PKP2: variants seen among roughly 807,000 people sequenced by gnomAD.
The protein encoded by PKP2 is plakophilin-2.
PKP2 carries 73 observed loss-of-function variants against 83.4 expected under a neutral mutation model. The observed-to-expected ratio is 0.88, with a 90% CI of 0.72 to 1.06. The LOEUF is 1.06. Ranked by LOEUF, PKP2 falls within the 50% of genes least tolerant of loss-of-function variation. PKP2 has a pLI of 0.00. For missense variants in PKP2, 966 were observed against 1,065.4 expected, an observed-to-expected ratio of 0.91 and a Z score of 1.30; for synonymous variants, 409 against 430.4, an observed-to-expected ratio of 0.95 and a Z score of 0.62.
intron 7 of PKP2, among the ~76,000 whole-genome samples, chr12:32,823,749 C>A (rs527922434): frequency 6.6e-6 from 1 of 151,878 alleles, no homozygotes; most frequent in African/African-American, 2.4e-5. Flanking sequence ...TACAGGTGCC[C>A]GCCACCACGC....
intron 4 of PKP2, among the ~76,000 whole-genome samples, chr12:32,860,301 A>AG (rs1565593368): frequency 6.6e-6 from 1 of 152,220 alleles, no homozygotes; most frequent in Non-Finnish European, 1.5e-5. Flanking sequence ...GCTAGTATTC[A>AG]GTAGAGTATT....
At chr12:32,841,293 G>A in intron 5 of PKP2, 88 bp from the exon 6 acceptor site, 2 of 1,084,670 alleles carry the variant, frequency 1.8e-6, no homozygotes, top group Non-Finnish European at 2.8e-6. Context: ...TCAACTCCAG[G>A]GCTATGACTA....
intron 5 of PKP2, among the ~76,000 whole-genome samples, chr12:32,845,127 G>T (rs1314671310): frequency 1.3e-5 from 2 of 152,098 alleles, no homozygotes; most frequent in Non-Finnish European, 2.9e-5. Flanking sequence ...TCTGTTAAGG[G>T]ATATAATTAG....
chr12:32,816,984 T>C (rs1422572689), intron 9 of PKP2, among the ~76,000 whole-genome samples: 2 of 152,194 alleles, frequency 1.3e-5, no homozygotes, highest in Non-Finnish European at 2.9e-5. Context: ...AGATTCTGGA[T>C]TTAAACCTTT....
chr12:32,802,701 C>T (rs1956193885), intron 9 of PKP2, 145 bp from the exon 10 acceptor site: 3 of 757,806 alleles, frequency 4.0e-6, no homozygotes, highest in African/African-American at 1.7e-5. Flanking sequence ...CTCTGTCATT[C>T]AGGCTGGAGT....
chr12:32,848,725 G>A lies in PKP2; in HGVS notation c.1378+2041C>T, dbSNP rs143113025. ...GAGTACCTGGGTGACAGGACCATTC[G>A]TATCCCAAACCTCAGCATCACACAA... On this transcript the variant is annotated intron_variant, in intron 5 of 12. Transcript: ENST00000340811. 5.4e-3 allele frequency among the ~76,000 whole-genome samples: 816 copies of A among 152,146 alleles called. 10 individuals are homozygous for A. The highest frequency in any genetic ancestry group is 0.018 in the African/African-American group (759 of 41,498).
chr12:32,796,836 T>C (rs1956130740), intron 10 of PKP2, among the ~76,000 whole-genome samples: 1 of 152,216 alleles, frequency 6.6e-6, no homozygotes, highest in African/African-American at 2.4e-5. Context: ...AGAGTGTAAT[T>C]TGGCAGAAAT....
intron 9 of PKP2, among the ~76,000 whole-genome samples, chr12:32,804,607 C>T (rs572272807): frequency 6.6e-6 from 1 of 152,322 alleles, no homozygotes; most frequent in South Asian, 2.1e-4. Flanking sequence ...CAGCTCCATC[C>T]ATGTCCCTGC....
chr12:32,802,317 G>T, intron 10 of PKP2, 86 bp downstream of exon 10: 1 of 1,365,788 alleles, frequency 7.3e-7, no homozygotes, highest in African/African-American at 1.4e-5. Context: ...GTGCATCTTT[G>T]TGAACGGGAG....
intron 10 of PKP2, among the ~76,000 whole-genome samples, chr12:32,799,851 G>A (rs966175947): frequency 6.6e-6 from 1 of 152,174 alleles, no homozygotes; most frequent in African/African-American, 2.4e-5. Context: ...CAGGTGACAT[G>A]TGCACCAACA....
At chr12:32,824,410 T>C in intron 6 of PKP2, 1 of 489,190 alleles carries the variant, frequency 2.0e-6, no homozygotes, top group Non-Finnish European at 3.7e-6. Flanking sequence ...AGTACCATGA[T>C]CAAAACATTA....
chr12:32,879,995 C>T (rs1956971068), intron 1 of PKP2, among the ~76,000 whole-genome samples: 1 of 151,702 alleles, frequency 6.6e-6, no homozygotes, highest in Non-Finnish European at 1.5e-5. Flanking sequence ...ATTCAGTTTC[C>T]CGAGTCACAG....
At chr12:32,854,283 A>AG (rs1270418424) in intron 4 of PKP2, among the ~76,000 whole-genome samples, 3 of 152,210 alleles carry the variant, frequency 2.0e-5, no homozygotes, top group African/African-American at 4.8e-5. Context: ...CACTTGCTCT[A>AG]GCCCGGAAAG....
rs773061639 is a variant in PKP2 at position 32,821,507 on chromosome 12, G to C, written c.1862C>G (p.Pro621Arg). 6.8e-6 allele frequency: 11 copies of C among 1,613,794 alleles called. No homozygotes were observed. The East Asian group carries it at 2.0e-4, about 29-fold the overall frequency. Reference protein sequence around the residue: ...VKEQYQDVPMPEEKSNPKGVE... With the variant: ...VKEQYQDVPMREEKSNPKGVE... ...GCCCTTGGGGTTGCTCTTTTCCTCC[G>C]GCATCGGCACGTCCTGGTATTGCTG... The change falls in exon 9 of 13, where the codon CCG (proline) becomes CGG (arginine). Residue 621 changes from proline to arginine, a missense_variant. Coordinates refer to ENST00000340811, the MANE Select transcript of PKP2 (RefSeq NM_001005242.3).
chr12:32,868,133 T>C (rs1165879087), intron 4 of PKP2, among the ~76,000 whole-genome samples: 1 of 152,254 alleles, frequency 6.6e-6, no homozygotes, highest in African/African-American at 2.4e-5. Context: ...TGACTTACTT[T>C]CTACATTTCC....
At chr12:32,888,772 C>T (rs1049196826) in intron 1 of PKP2, among the ~76,000 whole-genome samples, 3 of 149,704 alleles carry the variant, frequency 2.0e-5, no homozygotes, top group African/African-American at 7.4e-5. Context: ...GGATTACAGG[C>T]GTGAGCCACT....
intron 4 of PKP2, chr12:32,863,069 G>C (rs1355955031): frequency 1.3e-5 from 2 of 154,420 alleles, no homozygotes; most frequent in African/African-American, 2.4e-5. Context: ...AGACCGGCTA[G>C]GAACGGGACT....
At chr12:32,872,897 G>GA (rs977944992) in intron 3 of PKP2, among the ~76,000 whole-genome samples, 1 of 151,532 alleles carries the variant, frequency 6.6e-6, no homozygotes, top group Non-Finnish European at 1.5e-5. Context: ...AATGGAAATG[G>GA]AAAAAAAAGG....
intron 4 of PKP2, among the ~76,000 whole-genome samples, chr12:32,854,774 CT>C (rs1462085760): frequency 6.6e-6 from 1 of 152,204 alleles, no homozygotes; most frequent in Non-Finnish European, 1.5e-5. Flanking sequence ...CTCTCTGTGG[CT>C]TTATTCTATC....
Sources: gnomAD v4.1 joint callset for allele counts (sites outside exome capture counted in the v4.1 genomes callset) on GRCh38, gnomAD v4.1.1 for gene constraint, MANE v1.5 for transcripts, NCBI Gene and HGNC (gene_info 2026-07-23, HGNC 2026-07-21) for gene names.